The following PTN variants were observed in gnomAD, a reference collection of about 807,000 sequenced individuals.
The protein encoded by PTN is pleiotrophin.
In PTN, 18 loss-of-function variants were observed where a neutral mutation model predicts 24.1. The ratio of observed to expected loss-of-function variants is 0.75; its 90% CI spans 0.52 to 1.11. PTN has a LOEUF of 1.11. Ranked by LOEUF, PTN falls within the 50% of genes least tolerant of loss-of-function variation. The probability of loss-of-function intolerance (pLI) is 0.00; values close to 1 mark genes in which losing one functional copy is unlikely to be tolerated. For synonymous variants in PTN, 78 were observed against 68.6 expected (o/e 1.14, Z -0.67); for missense variants, 163 against 198.8 (o/e 0.82, Z 1.08).
chr7:137,301,088 A>G (rs1809797945), intron 1 of PTN, among the ~76,000 whole-genome samples: 1 of 152,026 alleles, frequency 6.6e-6, no homozygotes, highest in South Asian at 2.1e-4. Flanking sequence ...AGTATAGTAC[A>G]GTATTTAGTA....
At chr7:137,243,029 T>G (rs932450087) in intron 4 of PTN, among the ~76,000 whole-genome samples, 1 of 152,206 alleles carries the variant, frequency 6.6e-6, no homozygotes, top group African/African-American at 2.4e-5. Flanking sequence ...GTCTGCCTCC[T>G]GGGTTCAAGC....
intron 4 of PTN, among the ~76,000 whole-genome samples, chr7:137,235,706 C>T (rs886603947): frequency 2.0e-5 from 3 of 152,074 alleles, no homozygotes; most frequent in Non-Finnish European, 2.9e-5. Context: ...CCCCTCAGTG[C>T]TACCCACATG....
chr7:137,322,050 T>C (rs1181012767), intron 1 of PTN, among the ~76,000 whole-genome samples: 2 of 152,176 alleles, frequency 1.3e-5, no homozygotes, highest in Non-Finnish European at 2.9e-5. Flanking sequence ...TCCCTGGCAC[T>C]CTCCTTCCTA....
intron 1 of PTN, among the ~76,000 whole-genome samples, chr7:137,260,185 A>T (rs1585017130): frequency 6.6e-6 from 1 of 152,278 alleles, no homozygotes; most frequent in East Asian, 1.9e-4. Flanking sequence ...ATATGAGAGT[A>T]AATGATTTGT....
chr7:137,233,249 A>G (rs1343678187), intron 4 of PTN, among the ~76,000 whole-genome samples: 3 of 151,936 alleles, frequency 2.0e-5, no homozygotes, highest in African/African-American at 4.8e-5. Flanking sequence ...CTAAGCCCTA[A>G]TCTAGAGAAT....
intron 1 of PTN, among the ~76,000 whole-genome samples, chr7:137,330,285 CA>C (rs1227812912): frequency 1.3e-5 from 2 of 149,200 alleles, no homozygotes; most frequent in African/African-American, 5.0e-5. Flanking sequence ...GACCCTGTCT[CA>C]AAAAAAATGA....
In PTN at chr7:137,251,218, G is replaced by A. The variant is rs200461335; in HGVS notation, c.451+12C>T. On this transcript the variant is annotated intron_variant, in intron 4 of 4. Coordinates refer to ENST00000348225, the MANE Select transcript of PTN (RefSeq NM_002825.7). ...AATCCATTAAAATTGTGGTATAATG[G>A]CAAGGACTTACCTTGAGGTTTGGGC... 393 of 1,613,402 alleles carry A rather than the reference G, an allele frequency of 2.4e-4. No homozygotes were observed. The highest frequency in any genetic ancestry group is 3.1e-4 in the Non-Finnish European group (365 of 1,179,388).
chr7:137,338,860 G>T (rs776630552), intron 1 of PTN, among the ~76,000 whole-genome samples: 30 of 152,106 alleles, frequency 2.0e-4, no homozygotes, highest in Non-Finnish European at 3.4e-4. Flanking sequence ...TGAGTCCAGA[G>T]CTCATTAGAG....
intron 1 of PTN, among the ~76,000 whole-genome samples, chr7:137,333,936 T>TG (rs1418391569): frequency 6.6e-6 from 1 of 152,062 alleles, no homozygotes; most frequent in African/African-American, 2.4e-5. Flanking sequence ...AAACAAGCAA[T>TG]GGGGAAAGGA....
chr7:137,307,428 T>C (rs1809907672), intron 1 of PTN, among the ~76,000 whole-genome samples: 1 of 152,176 alleles, frequency 6.6e-6, no homozygotes, highest in Non-Finnish European at 1.5e-5. Context: ...AATTTTTTAA[T>C]GAAAAGGCCA....
intron 1 of PTN, among the ~76,000 whole-genome samples, chr7:137,289,969 C>A (rs1227168425): frequency 2.0e-5 from 3 of 152,146 alleles, no homozygotes; most frequent in Non-Finnish European, 4.4e-5. Flanking sequence ...CATTTTCATG[C>A]TGCTGATAAA....
chr7:137,253,736 GT>G, intron 2 of PTN, 99 bp from the exon 3 acceptor site: 2 of 1,084,896 alleles, frequency 1.8e-6, no homozygotes, highest in Non-Finnish European at 2.5e-6. Context: ...CAGGATCTGT[GT>G]TTTTTAATCT....
chr7:137,293,268 G>A (rs1809669080), intron 1 of PTN, among the ~76,000 whole-genome samples: 1 of 152,090 alleles, frequency 6.6e-6, no homozygotes, highest in African/African-American at 2.4e-5. Flanking sequence ...ATAAATAGAT[G>A]GAGTGAAACT....
At chr7:137,297,133 A>G (rs1228968258) in intron 1 of PTN, among the ~76,000 whole-genome samples, 1 of 152,136 alleles carries the variant, frequency 6.6e-6, no homozygotes, top group Non-Finnish European at 1.5e-5. Flanking sequence ...AGATAAAATA[A>G]TGTTGACTAA....
intron 2 of PTN, 41 bp downstream of exon 2, chr7:137,254,818 T>C (rs1364069674): frequency 7.3e-7 from 1 of 1,371,922 alleles, no homozygotes; most frequent in Admixed American, 1.8e-5. Context: ...AGATGGACAT[T>C]AATCAATGAA....
intron 1 of PTN, among the ~76,000 whole-genome samples, chr7:137,337,627 C>T (rs1279517162): frequency 6.6e-6 from 1 of 152,042 alleles, no homozygotes; most frequent in South Asian, 2.1e-4. Flanking sequence ...AGTCTTGAAT[C>T]GGCAACTATG....
intron 1 of PTN, among the ~76,000 whole-genome samples, chr7:137,278,231 C>T (rs1585026263): frequency 7.4e-6 from 1 of 134,630 alleles, no homozygotes; most frequent in African/African-American, 2.8e-5. Context: ...GGCGTGAACC[C>T]GGGAGGCGGA....
chr7:137,333,688 C>T (rs958622687), intron 1 of PTN, among the ~76,000 whole-genome samples: 1 of 152,142 alleles, frequency 6.6e-6, no homozygotes, highest in Admixed American at 6.5e-5. Flanking sequence ...TTGGAAAAAA[C>T]TACTTTAAAG....
intron 4 of PTN, among the ~76,000 whole-genome samples, chr7:137,249,719 T>C (rs368341424): frequency 6.6e-6 from 1 of 152,158 alleles, no homozygotes; most frequent in African/African-American, 2.4e-5. Flanking sequence ...TCTGGACAAA[T>C]GACATTTGGG....
Sources: allele counts gnomAD v4.1 joint callset (sites outside exome capture counted in the v4.1 genomes callset), GRCh38; gene constraint gnomAD v4.1.1; transcripts MANE v1.5; gene names NCBI Gene and HGNC (gene_info 2026-07-23, HGNC 2026-07-21).